Variants in CENPF observed in about 807,000 individuals in gnomAD.
CENPF encodes AH antigen.
In CENPF, 214 loss-of-function variants were observed where a neutral mutation model predicts 307.3. The ratio of observed to expected loss-of-function variants is 0.70; its 90% CI spans 0.62 to 0.78. The LOEUF (loss-of-function observed/expected upper bound fraction) is 0.78, where lower values mean the gene tolerates loss of function less well. CENPF is among the 30% of genes least tolerant of loss of function. CENPF has a pLI of 0.00. For synonymous variants in CENPF, 1,259 were observed against 1,270.6 expected, an observed-to-expected ratio of 0.99 and a Z score of 0.19; for missense variants, 3,401 against 3,483.9, an observed-to-expected ratio of 0.98 and a Z score of 0.60.
Position 214,659,126 on chromosome 1 carries a change from T to C in CENPF, c.9141+98T>C. The C allele has an allele frequency of 7.6e-7, 1 of 1,314,382 alleles. No individual in the cohort carries two copies. Among genetic ancestry groups the C allele is most frequent in the Admixed American group, 2.0e-5 (1 of 49,300 alleles). The allele number at this position is 1,314,382 out of a possible 1,614,324, so 81.4% of individuals were successfully genotyped here. A position where few individuals can be genotyped will look rare whatever the true frequency, so the allele number is the denominator to read the frequency against. On this transcript the variant is annotated intron_variant, in intron 19 of 19. Coordinates refer to ENST00000366955, the MANE Select transcript of CENPF (RefSeq NM_016343.4). This position sits in a 1 kb window ranked among gnomAD's most constrained non-coding sequence, Gnocchi z 4.4. ...CACTGCACCCCCGATTCAGGAGCGC[T>C]TTCAAAAAGTCTGACCTTCTTGGTG...
chr1:214,627,615 A>T (rs891671710), intron 7 of CENPF, among the ~76,000 whole-genome samples: 1 of 146,754 alleles, frequency 6.8e-6, no homozygotes, highest in Non-Finnish European at 1.5e-5. Context: ...ACCTCAGGTG[A>T]TCCGCCCAAC....
chr1:214,662,252 TAA>T (rs1165865286), intron 19 of CENPF, among the ~76,000 whole-genome samples: 9 of 142,204 alleles, frequency 6.3e-5, no homozygotes, highest in East Asian at 2.0e-4. Flanking sequence ...TATTTCTCTT[TAA>T]AAAAAAAAAA....
chr1:214,636,165 T>C (rs562881348), intron 10 of CENPF, among the ~76,000 whole-genome samples: 6 of 152,198 alleles, frequency 3.9e-5, no homozygotes, highest in Non-Finnish European at 7.3e-5. Flanking sequence ...CTAATAATGC[T>C]ACATTGCCCC....
intron 16 of CENPF, 40 bp from the exon 17 acceptor site, chr1:214,655,201 G>T (rs909415564): frequency 2.2e-6 from 3 of 1,368,696 alleles, no homozygotes; most frequent in African/African-American, 2.9e-5. Flanking sequence ...CTTATAAAAA[G>T]AAATTCAAGG....
chr1:214,642,442 A>G lies in CENPF; in HGVS notation c.4104A>G (p.Glu1368=). The G allele has an allele frequency of 6.3e-7, 1 of 1,596,044 alleles. No individual in the cohort carries two copies. Among genetic ancestry groups the G allele is most frequent in the South Asian group, 1.1e-5 (1 of 87,636 alleles). The change falls in exon 12 of 20, where the codon GAA becomes GAG. Residue 1368 remains glutamate (E), a synonymous_variant. Coordinates refer to ENST00000366955, the MANE Select transcript of CENPF (RefSeq NM_016343.4). ...GELVEDIPGG[E]FGEQPNEQHP... ...TAGTGGAAGACATACCAGGAGGTGAATTTGGTGAACAACCAAATGAACAGC... is the reference window on the plus strand; with the variant it reads ...TAGTGGAAGACATACCAGGAGGTGAGTTTGGTGAACAACCAAATGAACAGC...
rs763772465 is a variant in CENPF at position 214,657,156 on chromosome 1, A to G, written c.8709A>G (p.Leu2903=). 5 of 1,614,078 alleles carry G rather than the reference A, an allele frequency of 3.1e-6. No homozygotes were observed. The African/African-American group carries it at 6.7e-5, about 22-fold the overall frequency. The change falls in exon 18 of 20, where the codon CTA becomes CTG. Residue 2903 remains leucine (L), a synonymous_variant. Coordinates refer to ENST00000366955, the MANE Select transcript of CENPF (RefSeq NM_016343.4). ...SKQDSRGSPL[L]GPVVPGPSPI... ...AAGATTCCCGAGGGTCTCCTTTGCT[A>G]GGTCCAGTTGTTCCAGGACCATCTC... is the stretch of plus-strand genomic sequence containing the variant.
In CENPF at chr1:214,646,852, G is replaced by A; in HGVS notation, c.7282G>A (p.Glu2428Lys). Reference protein sequence around the residue: ...FENILQEKEQEKVQMKEKSST... With the variant: ...FENILQEKEQKKVQMKEKSST... ...AAATATTTTGCAAGAAAAAGAGCAA[G>A]AGAAAGTACAGATGAAAGAAAAATC... Residue 2428 changes from glutamate (E) to lysine (K), a missense_variant, in exon 13 of 20, where the codon GAG (glutamate) becomes AAG (lysine). Transcript: ENST00000366955. 1 of 1,612,498 alleles carries A rather than the reference G, an allele frequency of 6.2e-7. No homozygotes were observed. Among genetic ancestry groups the A allele is most frequent in the South Asian group, 1.1e-5 (1 of 90,736 alleles).
At chr1:214,612,014 T>C (rs1304904185) in intron 1 of CENPF, among the ~76,000 whole-genome samples, 5 of 152,178 alleles carry the variant, frequency 3.3e-5, no homozygotes, top group Non-Finnish European at 7.4e-5. Flanking sequence ...CTTCCAATAG[T>C]ATGTTGAATA....
chr1:214,645,955 G>GAAA lies in CENPF; in HGVS notation c.6386_6387insAAA (p.Glu2129_Ala2130insLys). 1 of 1,614,156 alleles carries GAAA rather than the reference G, an allele frequency of 6.2e-7. No individual in the cohort carries two copies. On this transcript the variant is annotated inframe_insertion, in exon 13 of 20. Transcript: ENST00000366955. ...CATCGAGAAACTGAGAGTTCGCATTGAGGCCGATGAAAAGAAGCAGCTGCA... is the reference window on the plus strand; with the variant it reads ...CATCGAGAAACTGAGAGTTCGCATTGAAAAGGCCGATGAAAAGAAGCAGCTGCA...
At chr1:214,655,197 A>G in intron 16 of CENPF, 44 bp from the exon 17 acceptor site, 1 of 1,337,534 alleles carries the variant, frequency 7.5e-7, no homozygotes. Context: ...TATGCTTATA[A>G]AAAGAAATTC....
Position 214,658,991 on chromosome 1 carries a change from C to G in CENPF, c.9104C>G (p.Ser3035Cys). ...CTCGGCAAAGAAAATCTTGCAGAGT[C>G]CTCCAAACCAACAGCTGGTGGCAGC... ...LSLGKENLAE[S>C]SKPTAGGSRS... The change falls in exon 19 of 20, where the codon TCC becomes TGC. Residue 3035 changes from serine (S) to cysteine (C), a missense_variant. Transcript: ENST00000366955. 6.2e-7 allele frequency: 1 copy of G among 1,614,066 alleles called. No individual in the cohort carries two copies. The highest frequency in any genetic ancestry group is 1.6e-4 in the Middle Eastern group (1 of 6,062).
intron 9 of CENPF, among the ~76,000 whole-genome samples, chr1:214,631,279 A>C (rs1239976087): frequency 2.0e-5 from 3 of 151,990 alleles, no homozygotes; most frequent in Non-Finnish European, 4.4e-5. Flanking sequence ...TGTCACTTCT[A>C]TTCTTCTTTT....
intron 7 of CENPF, among the ~76,000 whole-genome samples, chr1:214,627,447 C>T (rs974002497): frequency 2.8e-5 from 4 of 142,828 alleles, no homozygotes; most frequent in Non-Finnish European, 6.0e-5. Flanking sequence ...AATCTTGGCT[C>T]ACTGCAACCT....
In CENPF at chr1:214,640,873, G is replaced by A; in HGVS notation, c.2535G>A (p.Met845Ile). The A allele has an allele frequency of 6.3e-7, 1 of 1,599,484 alleles. No individual in the cohort carries two copies. Among genetic ancestry groups the A allele is most frequent in the South Asian group, 1.1e-5 (1 of 87,722 alleles). The change falls in exon 12 of 20, where the codon ATG (methionine) becomes ATA (isoleucine). Residue 845 changes from methionine (M) to isoleucine (I), a missense_variant. Physicochemically the swap from Met to Ile is conservative, Grantham distance 10. Transcript: ENST00000366955. ...LEFSLESQKQ[M>I]NSDLQKQCEE... Reference sequence around the variant, plus strand: ...TTTCATTAGAGTCTCAAAAACAGATGAACTCAGACCTGCAAAAGCAGTGTG... The same window carrying A: ...TTTCATTAGAGTCTCAAAAACAGATAAACTCAGACCTGCAAAAGCAGTGTG...
chr1:214,648,598 A>C, intron 13 of CENPF, 77 bp from the exon 14 acceptor site: 1 of 1,486,532 alleles, frequency 6.7e-7, no homozygotes, highest in Non-Finnish European at 9.3e-7. Flanking sequence ...AATGGCATGA[A>C]TATGTTGTAT....
intron 17 of CENPF, 27 bp downstream of exon 17, chr1:214,655,430 T>C (rs900885881): frequency 6.5e-7 from 1 of 1,532,832 alleles, no homozygotes; most frequent in South Asian, 1.3e-5. Flanking sequence ...GCACATCAAC[T>C]AGCCAGAACT....
Position 214,645,928 on chromosome 1 carries a change from G to A in CENPF, c.6358G>A (p.Gly2120Ser), listed in dbSNP as rs1658283469. The part of the protein sequence containing the change: ...TQEEVHQLRR[G>S]IEKLRVRIEA... The stretch of plus-strand genomic sequence containing the variant: ...GGAGGAAGTGCATCAGCTGAGAAGA[G>A]GCATCGAGAAACTGAGAGTTCGCAT... The change falls in exon 13 of 20, where the codon GGC becomes AGC. Residue 2120 changes from glycine to serine, a missense_variant. Transcript: ENST00000366955. The A allele has an allele frequency of 1.2e-6, 2 of 1,614,080 alleles. No individual in the cohort carries two copies. Among genetic ancestry groups the A allele is most frequent in the South Asian group, 1.1e-5 (1 of 91,076 alleles).
In CENPF at chr1:214,648,838, T is replaced by C. The variant is rs1226502186; in HGVS notation, c.7983+11T>C. On this transcript the variant is annotated intron_variant, in intron 14 of 19. Transcript: ENST00000366955. ...ATAAAGAGCAGCAAAGTAAGTTTCT[T>C]TGTGACAAGTGTTATTATGATCTGT... 6.2e-7 allele frequency: 1 copy of C among 1,612,466 alleles called. No homozygotes were observed. Among genetic ancestry groups the C allele is most frequent in the Non-Finnish European group, 8.5e-7 (1 of 1,179,188 alleles).
chr1:214,623,544 TTTGTTGTTG>T (rs149516983), intron 7 of CENPF, among the ~76,000 whole-genome samples: 1 of 151,930 alleles, frequency 6.6e-6, no homozygotes, highest in Non-Finnish European at 1.5e-5. Flanking sequence ...AGCCTGTTAT[TTTGTTGTTG>T]TTGTTGTTGT....
Sources: allele counts gnomAD v4.1 joint callset (sites outside exome capture counted in the v4.1 genomes callset), GRCh38; gene constraint gnomAD v4.1.1; non-coding constraint Gnocchi (gnomAD v3.1); transcripts MANE v1.5; gene names NCBI Gene and HGNC (gene_info 2026-07-23, HGNC 2026-07-21).